PIEZO2: variants seen among roughly 807,000 people sequenced by gnomAD.
PIEZO2 encodes piezo-type mechanosensitive ion channel component 2.
Under a neutral mutation model 337.3 loss-of-function variants are expected in PIEZO2, and 172 were observed. The observed-to-expected ratio is 0.51, with a 90% confidence interval of 0.45 to 0.58. PIEZO2 has a LOEUF of 0.58. Among genes scored for constraint, PIEZO2 ranks in the 20% least tolerant of loss-of-function variants. The pLI, the probability that PIEZO2 is intolerant of heterozygous loss-of-function variation, is 0.00. For synonymous variants in PIEZO2, 1,251 were observed against 1,228.5 expected, an observed-to-expected ratio of 1.02 and a Z score of -0.38; for missense variants, 3,028 against 3,391.3, an observed-to-expected ratio of 0.89 and a Z score of 2.66.
intron 1 of PIEZO2, among the ~76,000 whole-genome samples, chr18:11,122,998 C>CTTT (rs201674903): frequency 3.3e-5 from 5 of 151,004 alleles, no homozygotes; most frequent in Admixed American, 2.6e-4. Context: ...TAATGTGCGG[C>CTTT]TTTTTCCCAA....
rs2037378494 is a variant in PIEZO2 at position 11,047,966 on chromosome 18, C to T, written c.160+18161G>A. Among the ~76,000 whole-genome samples, 1 of 152,160 alleles carries T rather than the reference C, an allele frequency of 6.6e-6. No individual in the cohort carries two copies. Among genetic ancestry groups the T allele is most frequent in the Non-Finnish European group, 1.5e-5 (1 of 68,026 alleles). ...GACGTGAAATCCACATGCAATCCTG[C>T]ACACACGCATGCTCAGGTACTCCAG... On this transcript the variant is annotated intron_variant, in intron 2 of 55. Coordinates refer to ENST00000674853, the MANE Select transcript of PIEZO2 (RefSeq NM_001378183.1). The surrounding 1 kb of genome is among the most constrained non-coding windows in gnomAD (Gnocchi z 7.2).
In PIEZO2 at chr18:10,680,381, C is replaced by T; in HGVS notation, c.7780-10G>A. On this transcript the variant is annotated splice_polypyrimidine_tract_variant and intron_variant, in intron 51 of 55. Transcript: ENST00000674853. ...GAAATTGCATAGCACCCTGTATGTG[C>T]ACAAATGCACATGCATAAATAGATT... 6.2e-7 allele frequency: 1 copy of T among 1,610,812 alleles called. No homozygotes were observed. Among genetic ancestry groups the T allele is most frequent in the Non-Finnish European group, 8.5e-7 (1 of 1,178,164 alleles).
At chr18:10,896,902 C>T (rs2042916694) in intron 4 of PIEZO2, among the ~76,000 whole-genome samples, 1 of 152,220 alleles carries the variant, frequency 6.6e-6, no homozygotes, top group Non-Finnish European at 1.5e-5. Flanking sequence ...GGATTGTTTA[C>T]TTCTCTGCCA....
intron 1 of PIEZO2, among the ~76,000 whole-genome samples, chr18:11,076,823 T>TGAATA (rs1275908133): frequency 5.9e-5 from 9 of 152,338 alleles, no homozygotes; most frequent in African/African-American, 1.9e-4. Flanking sequence ...TCATCCTGAT[T>TGAATA]GAATACAGTT....
rs144694680 is a variant in PIEZO2, at chr18:11,035,528, T to C, written c.160+30599A>G. 1.2e-3 allele frequency among the ~76,000 whole-genome samples: 176 copies of C among 152,266 alleles called. No individual in the cohort carries two copies. Among genetic ancestry groups the C allele is most frequent in the African/African-American group, 4.2e-3 (175 of 41,554 alleles). ...AGCCTCAGATATTCCTTTAGAGCAA[T>C]GCAAAATGGGCTAACACAACTCCTC... On this transcript the variant is annotated intron_variant, in intron 2 of 55. Coordinates refer to ENST00000674853, the MANE Select transcript of PIEZO2 (RefSeq NM_001378183.1). This position sits in a 1 kb window ranked among gnomAD's most constrained non-coding sequence, Gnocchi z 4.3.
At chr18:10,897,370 G>A (rs2042929843) in intron 4 of PIEZO2, among the ~76,000 whole-genome samples, 1 of 152,094 alleles carries the variant, frequency 6.6e-6, no homozygotes, top group Non-Finnish European at 1.5e-5. Flanking sequence ...TGTATTTTTA[G>A]TAGAGACGGG....
rs1019662590 is a variant in PIEZO2, at chr18:10,846,263, A to G, written c.917+9090T>C. 3.3e-5 allele frequency among the ~76,000 whole-genome samples: 5 copies of G among 152,212 alleles called. No homozygotes were observed. Among genetic ancestry groups the G allele is most frequent in the Non-Finnish European group, 7.3e-5 (5 of 68,030 alleles). On this transcript the variant is annotated intron_variant, in intron 7 of 55. Transcript: ENST00000674853. This position sits in a 1 kb window ranked among gnomAD's most constrained non-coding sequence, Gnocchi z 4.1. ...CTTACACAGATGGCAGCAGGCAAAGAGAGAGCTCATGCAGGCAAACTCCCG... is the reference window on the plus strand; with the variant it reads ...CTTACACAGATGGCAGCAGGCAAAGGGAGAGCTCATGCAGGCAAACTCCCG...
intron 43 of PIEZO2, among the ~76,000 whole-genome samples, chr18:10,699,752 C>A (rs1400135671): frequency 1.3e-5 from 2 of 152,178 alleles, no homozygotes; most frequent in Non-Finnish European, 2.9e-5. Flanking sequence ...AGACAGATAG[C>A]TTTTGGCAGA....
rs1567944709 is a variant in PIEZO2, at chr18:10,684,093, C to CTCTCTCTCTCTTTCT, written c.7498-1802_7498-1801insAGAAAGAGAGAGAGA. On this transcript the variant is annotated intron_variant, in intron 49 of 55. Transcript: ENST00000674853. ...TCCTTCCTTTTTCCTTCCTTCCTTC[C>CTCTCTCTCTCTTTCT]TTCTTTCTCTCTCTCTTTCTTTCTT... 2.8e-4 allele frequency among the ~76,000 whole-genome samples: 7 copies of CTCTCTCTCTCTTTCT among 25,052 alleles called. No individual in the cohort carries two copies. In the East Asian group the frequency reaches 9.3e-3, roughly 33 times the overall value. 16.4% of individuals were successfully genotyped at this position (25,052 alleles called of 152,430 possible).
At position 11,003,055 on chromosome 18, in the gene PIEZO2, C is replaced by T. The variant is rs530014768; in HGVS notation, c.161-23395G>A. On this transcript the variant is annotated intron_variant, in intron 2 of 55. Transcript: ENST00000674853. This position sits in a 1 kb window ranked among gnomAD's most constrained non-coding sequence, Gnocchi z 4.6. ...ATGAGGTCAAGGACAGCCTTAAGCA[C>T]AAGGAGATTCTAACCTGGGAGATGT... Among the ~76,000 whole-genome samples the T allele has an allele frequency of 1.3e-5, 2 of 152,090 alleles. No homozygotes were observed. Among genetic ancestry groups the T allele is most frequent in the South Asian group, 4.1e-4 (2 of 4,830 alleles).
chr18:10,892,226 G>A (rs997409922), intron 4 of PIEZO2, among the ~76,000 whole-genome samples: 1 of 151,676 alleles, frequency 6.6e-6, no homozygotes, highest in Admixed American at 6.6e-5. Context: ...GCAATAAAAG[G>A]GAATTATCAC....
At chr18:11,026,554 G>T (rs2036547998) in intron 2 of PIEZO2, among the ~76,000 whole-genome samples, 1 of 152,188 alleles carries the variant, frequency 6.6e-6, no homozygotes, top group Non-Finnish European at 1.5e-5. Flanking sequence ...AGGTGCTGAT[G>T]CCGATGCACT....
In PIEZO2 at chr18:10,726,550, C is replaced by T. The variant is rs1477131293; in HGVS notation, c.5029+4857G>A. The T allele has an allele frequency of 7.0e-7, 1 of 1,418,894 alleles. No individual in the cohort carries two copies. The highest frequency in any genetic ancestry group is 1.4e-5 in the African/African-American group (1 of 69,660). 87.9% of individuals were successfully genotyped at this position (1,418,894 alleles called of 1,614,324 possible). On this transcript the variant is annotated intron_variant, in intron 36 of 55. Transcript: ENST00000674853. The surrounding 1 kb of genome is among the most constrained non-coding windows in gnomAD (Gnocchi z 5.9). ...CGCTGCTCTGCTCTGCTACACCAGC[C>T]GCCACGCTGTGCGTCTGTCCTTCCG...
In PIEZO2 at chr18:10,773,402, G is replaced by T; in HGVS notation, c.2785+10C>A. On this transcript the variant is annotated intron_variant, in intron 20 of 55. Coordinates refer to ENST00000674853, the MANE Select transcript of PIEZO2 (RefSeq NM_001378183.1). The surrounding 1 kb of genome is among the most constrained non-coding windows in gnomAD (Gnocchi z 5.3). Reference sequence around the variant, plus strand: ...GTTCTCTGACCAGCTGCTGGTAGTGGGCTGATTACCTGATGTTTCTTCCTC... The same window carrying T: ...GTTCTCTGACCAGCTGCTGGTAGTGTGCTGATTACCTGATGTTTCTTCCTC... 8 of 1,537,000 alleles carry T rather than the reference G, an allele frequency of 5.2e-6. No individual in the cohort carries two copies. Among genetic ancestry groups the T allele is most frequent in the Non-Finnish European group, 7.0e-6 (8 of 1,146,720 alleles).
At chr18:10,695,150 G>A (rs1336961170) in intron 47 of PIEZO2, among the ~76,000 whole-genome samples, 2 of 152,166 alleles carry the variant, frequency 1.3e-5, no homozygotes, top group Non-Finnish European at 2.9e-5. Context: ...TTTCTTTGCC[G>A]AAATGACCAG....
chr18:10,934,935 A>G (rs417953), intron 3 of PIEZO2, among the ~76,000 whole-genome samples: 96,872 of 151,458 alleles, frequency 0.64, 31,674 homozygotes, highest in African/African-American at 0.78. Flanking sequence ...CAGACGTGGC[A>G]ACCGAGGCCA....
chr18:10,886,343 T>TATATATATATATATATATATATATAC (rs561758653), intron 4 of PIEZO2, among the ~76,000 whole-genome samples: 1 of 23,712 alleles, frequency 4.2e-5, no homozygotes, highest in African/African-American at 3.1e-4. Flanking sequence ...TATATATATA[T>TATATATATATATATATATATATATAC]ACACACACAC....
At position 10,675,347 on chromosome 18, in the gene PIEZO2, T is replaced by C. The variant is rs907871127; in HGVS notation, c.8082-59A>G. The C allele has an allele frequency of 7.2e-6, 8 of 1,118,214 alleles. No individual in the cohort carries two copies. In the Admixed American group the frequency reaches 2.2e-4, roughly 31 times the overall value. 69.3% of individuals were successfully genotyped at this position (1,118,214 alleles called of 1,614,324 possible). A position where few individuals can be genotyped will look rare whatever the true frequency, so the allele number is the denominator to read the frequency against. The stretch of plus-strand genomic sequence containing the variant: ...TTTAGTTGTTTTACCCACCTAAAAT[T>C]GATTTTTTGTTGTTATTGTTGACCT... On this transcript the variant is annotated intron_variant, in intron 53 of 55. Transcript: ENST00000674853.
At chr18:11,087,017 T>C (rs2038937974) in intron 1 of PIEZO2, among the ~76,000 whole-genome samples, 1 of 152,140 alleles carries the variant, frequency 6.6e-6, no homozygotes, top group Non-Finnish European at 1.5e-5. Context: ...AGTGATGGTG[T>C]TAGGTGGAGC....
Sources: allele counts gnomAD v4.1 joint callset (sites outside exome capture counted in the v4.1 genomes callset), GRCh38; gene constraint gnomAD v4.1.1; non-coding constraint Gnocchi (gnomAD v3.1); transcripts MANE v1.5; gene names NCBI Gene and HGNC (gene_info 2026-07-23, HGNC 2026-07-21).